Variants in VWA8 observed in about 807,000 individuals in gnomAD.
VWA8 encodes the protein von Willebrand factor A domain-containing protein 8.
VWA8 carries 221 observed loss-of-function variants against 241.5 expected under a neutral mutation model. The ratio of observed to expected loss-of-function variants is 0.91; its 90% confidence interval spans 0.82 to 1.02. The LOEUF (loss-of-function observed/expected upper bound fraction) is 1.02, where lower values mean the gene tolerates loss of function less well. Ranked by LOEUF, VWA8 falls within the 50% of genes least tolerant of loss-of-function variation. VWA8 has a pLI of 0.00. For missense variants in VWA8, 2,322 were observed against 2,328.7 expected, an observed-to-expected ratio of 1.00 and a Z score of 0.06; for synonymous variants, 852 against 827.1, an observed-to-expected ratio of 1.03 and a Z score of -0.52.
chr13:41,818,353 A>G lies in VWA8; in HGVS notation c.1869+865T>C, dbSNP rs564455136. On this transcript the variant is annotated intron_variant, in intron 15 of 44. Coordinates refer to ENST00000379310, the MANE Select transcript of VWA8 (RefSeq NM_015058.2). ...TGGGAGGCCAAGGGGGGGTGGATCAATTGAGGCCAGGAGTTCAAGACCAGC... is the reference window on the plus strand; with the variant it reads ...TGGGAGGCCAAGGGGGGGTGGATCAGTTGAGGCCAGGAGTTCAAGACCAGC... Among the ~76,000 whole-genome samples the G allele has an allele frequency of 4.0e-5, 6 of 148,962 alleles. No homozygotes were observed. In the East Asian group the frequency reaches 1.1e-3, roughly 27 times the overall value.
chr13:41,858,120 G>A (rs1872840102), intron 12 of VWA8, among the ~76,000 whole-genome samples: 1 of 152,090 alleles, frequency 6.6e-6, no homozygotes, highest in African/African-American at 2.4e-5. Flanking sequence ...CTTGCAGATG[G>A]CAGATCATGG....
At chr13:41,815,592 GC>G in intron 16 of VWA8, among the ~76,000 whole-genome samples, 1 of 152,194 alleles carries the variant, frequency 6.6e-6, no homozygotes, top group Non-Finnish European at 1.5e-5. Flanking sequence ...CCCAGAAGGG[GC>G]AAGGAATAGA....
chr13:41,859,043 C>T (rs1872886253), intron 12 of VWA8, among the ~76,000 whole-genome samples: 1 of 150,710 alleles, frequency 6.6e-6, no homozygotes, highest in Non-Finnish European at 1.5e-5. Flanking sequence ...CGCCACTGCA[C>T]TCCAGTCTGG....
chr13:41,862,612 G>A (rs1163345643), intron 12 of VWA8, among the ~76,000 whole-genome samples: 1 of 152,128 alleles, frequency 6.6e-6, no homozygotes, highest in Non-Finnish European at 1.5e-5. Flanking sequence ...TTAAAAAATT[G>A]GCAAAGGGCA....
intron 17 of VWA8, among the ~76,000 whole-genome samples, chr13:41,799,067 G>GT (rs1317289848): frequency 6.6e-6 from 1 of 151,858 alleles, no homozygotes; most frequent in Non-Finnish European, 1.5e-5. Context: ...TTAATTCCTC[G>GT]TAAGTTTTAA....
At chr13:41,926,132 C>A in intron 2 of VWA8, 1 of 582,924 alleles carries the variant, frequency 1.7e-6, no homozygotes. Flanking sequence ...ATCAAGGAGA[C>A]ATAATTGGAG....
chr13:41,850,278 T>C (rs1462197385), intron 12 of VWA8, among the ~76,000 whole-genome samples: 1 of 152,170 alleles, frequency 6.6e-6, no homozygotes, highest in East Asian at 1.9e-4. Flanking sequence ...AAAGATGTTA[T>C]CCATTACTAA....
intron 12 of VWA8, among the ~76,000 whole-genome samples, chr13:41,862,766 C>A (rs1306510825): frequency 1.3e-5 from 2 of 152,004 alleles, no homozygotes; most frequent in Non-Finnish European, 2.9e-5. Flanking sequence ...ATTAAAAAGT[C>A]AAAAAATAAC....
intron 17 of VWA8, among the ~76,000 whole-genome samples, chr13:41,790,958 T>C (rs1314400923): frequency 6.6e-6 from 1 of 151,940 alleles, no homozygotes; most frequent in Non-Finnish European, 1.5e-5. Context: ...GCCCAACTAA[T>C]ATTTATAAAC....
intron 19 of VWA8, among the ~76,000 whole-genome samples, chr13:41,780,709 T>C (rs897556830): frequency 2.0e-5 from 3 of 152,336 alleles, no homozygotes; most frequent in Admixed American, 2.0e-4. Context: ...TTCAAAATCT[T>C]GTCACCTCAT....
chr13:41,712,370 T>C (rs1364991242), intron 26 of VWA8, among the ~76,000 whole-genome samples: 1 of 152,154 alleles, frequency 6.6e-6, no homozygotes, highest in Non-Finnish European at 1.5e-5. Flanking sequence ...TCCATAAATA[T>C]GTAAAATATT....
intron 17 of VWA8, among the ~76,000 whole-genome samples, chr13:41,799,873 C>G (rs970893670): frequency 6.6e-6 from 1 of 152,120 alleles, no homozygotes; most frequent in East Asian, 1.9e-4. Context: ...TCACCACAAG[C>G]AATTTTAGAA....
intron 17 of VWA8, among the ~76,000 whole-genome samples, chr13:41,791,356 T>C (rs1869454608): frequency 6.6e-6 from 1 of 151,930 alleles, no homozygotes; most frequent in African/African-American, 2.4e-5. Context: ...GAAAAATTAG[T>C]CAACTATTTG....
In VWA8 at chr13:41,872,230, T is replaced by C. The variant is rs1016458448; in HGVS notation, c.1081-3753A>G. On this transcript the variant is annotated intron_variant, in intron 9 of 44. Transcript: ENST00000379310. ...AGCCCTTTGTCAGATGAATAGGTTG[T>C]GAAGATTTTCTCCCATTTTGTGGGT... Among the ~76,000 whole-genome samples, 259 of 152,330 alleles carry C rather than the reference T, an allele frequency of 1.7e-3. 2 individuals carry two copies. Among genetic ancestry groups the C allele is most frequent in the African/African-American group, 5.7e-3 (239 of 41,576 alleles).
At chr13:41,729,836 C>G (rs1246020445) in intron 22 of VWA8, among the ~76,000 whole-genome samples, 159 bp from the exon 23 acceptor site, 1 of 150,314 alleles carries the variant, frequency 6.7e-6, no homozygotes, top group Non-Finnish European at 1.5e-5. Flanking sequence ...CACACACACA[C>G]ACACACATCT....
chr13:41,712,254 A>G (rs2045323463), intron 26 of VWA8, among the ~76,000 whole-genome samples: 1 of 152,230 alleles, frequency 6.6e-6, no homozygotes, highest in South Asian at 2.1e-4. Flanking sequence ...AGTACTTGAA[A>G]TGACACCAAC....
chr13:41,911,551 T>C (rs1261104451), intron 3 of VWA8, among the ~76,000 whole-genome samples: 2 of 152,216 alleles, frequency 1.3e-5, no homozygotes, highest in Non-Finnish European at 2.9e-5. Flanking sequence ...TGTGAACTTG[T>C]TTTCTCATCT....
intron 37 of VWA8, among the ~76,000 whole-genome samples, chr13:41,659,609 C>A (rs767554226): frequency 2.6e-5 from 4 of 152,154 alleles, no homozygotes; most frequent in South Asian, 2.1e-4. Flanking sequence ...TTTATCTACT[C>A]CCAGGACCTG....
At position 41,703,237 on chromosome 13, in the gene VWA8, T is replaced by C. The variant is rs370140676; in HGVS notation, c.3225+66A>G. 40 of 1,273,810 alleles carry C rather than the reference T, an allele frequency of 3.1e-5. No individual in the cohort carries two copies. The East Asian group carries it at 4.5e-4, about 14-fold the overall frequency. 78.9% of individuals were successfully genotyped at this position (1,273,810 alleles called of 1,614,324 possible). ...CATTTCTGAGATTGTTTGAATTATCTCCAGGGAAGATACAGCAAAATTTAT... is the reference window on the plus strand; with the variant it reads ...CATTTCTGAGATTGTTTGAATTATCCCCAGGGAAGATACAGCAAAATTTAT... On this transcript the variant is annotated intron_variant, in intron 27 of 44. Transcript: ENST00000379310.
Sources: allele counts gnomAD v4.1 joint callset (sites outside exome capture counted in the v4.1 genomes callset), GRCh38; gene constraint gnomAD v4.1.1; transcripts MANE v1.5; gene names NCBI Gene and HGNC (gene_info 2026-07-23, HGNC 2026-07-21).